DEPTOR: variants seen among roughly 807,000 people sequenced by gnomAD.
DEPTOR encodes the protein DEP domain-containing mTOR-interacting protein.
DEPTOR carries 41 observed loss-of-function variants against 41.6 expected under a neutral mutation model. The ratio of observed to expected loss-of-function variants is 0.98; its 90% CI spans 0.77 to 1.28. The LOEUF (loss-of-function observed/expected upper bound fraction) is 1.28, where lower values mean the gene tolerates loss of function less well. Ranked by LOEUF, DEPTOR falls within the 50% of genes most tolerant of loss-of-function variation. DEPTOR has a pLI of 0.00. For missense variants in DEPTOR, 514 were observed against 527.9 expected, an observed-to-expected ratio of 0.97 and a Z score of 0.26; for synonymous variants, 195 against 192.3, an observed-to-expected ratio of 1.01 and a Z score of -0.12.
intron 8 of DEPTOR, among the ~76,000 whole-genome samples, chr8:120,048,954 A>C (rs547111208): frequency 6.6e-6 from 1 of 152,178 alleles, no homozygotes; most frequent in Non-Finnish European, 1.5e-5. Context: ...AGAGCTTTCC[A>C]ATACTCTTCC....
At chr8:119,890,074 C>T (rs1018051991) in intron 1 of DEPTOR, among the ~76,000 whole-genome samples, 2 of 151,944 alleles carry the variant, frequency 1.3e-5, no homozygotes, top group Non-Finnish European at 2.9e-5. Flanking sequence ...AAGTGATTCT[C>T]GTGCCTCAGC....
intron 3 of DEPTOR, among the ~76,000 whole-genome samples, chr8:119,945,726 A>G (rs1377619476): frequency 6.6e-6 from 1 of 152,230 alleles, no homozygotes; most frequent in African/African-American, 2.4e-5. Flanking sequence ...AAGAGAGACT[A>G]AAACTCAGAG....
chr8:119,935,997 T>TTA (rs1434748370), intron 3 of DEPTOR, among the ~76,000 whole-genome samples: 47 of 110,558 alleles, frequency 4.3e-4, no homozygotes, highest in African/African-American at 1.5e-3. Flanking sequence ...ATTAGTCTAG[T>TTA]TGTTTTTTTT....
intron 3 of DEPTOR, among the ~76,000 whole-genome samples, chr8:119,931,713 A>T (rs879688410): frequency 3.9e-5 from 6 of 152,214 alleles, no homozygotes; most frequent in Admixed American, 3.9e-4. Flanking sequence ...GACTCACATG[A>T]ATTTGAATGG....
intron 4 of DEPTOR, among the ~76,000 whole-genome samples, chr8:119,977,579 T>C (rs1828712252): frequency 2.0e-5 from 3 of 152,150 alleles, no homozygotes. Flanking sequence ...CTGAATCCAA[T>C]GCAGGAGGAA....
In DEPTOR at chr8:119,938,901, CTCTCTTTCTT is replaced by C. The variant is rs746409742; in HGVS notation, c.425+8977_425+8986del. Among the ~76,000 whole-genome samples, 738 of 143,644 alleles carry C rather than the reference CTCTCTTTCTT, an allele frequency of 5.1e-3. 2 individuals carry two copies. Among genetic ancestry groups the C allele is most frequent in the Middle Eastern group, 0.01 (3 of 290 alleles). The allele number at this position is 143,644 out of a possible 152,430, so 94.2% of individuals were successfully genotyped here. Reference sequence around the variant, plus strand: ...TTCCCCTCTCTCTCTCTTTCTCTTTCTCTCTTTCTTTCTCTTTCTTTCTTTTCATTGTGTT... The same window carrying C: ...TTCCCCTCTCTCTCTCTTTCTCTTTCTCTCTTTCTTTCTTTTCATTGTGTT... On this transcript the variant is annotated intron_variant, in intron 3 of 8. Coordinates refer to ENST00000286234, the MANE Select transcript of DEPTOR (RefSeq NM_022783.4).
chr8:119,996,343 A>C (rs1812258843), intron 4 of DEPTOR, among the ~76,000 whole-genome samples: 1 of 152,228 alleles, frequency 6.6e-6, no homozygotes, highest in African/African-American at 2.4e-5. Context: ...GTTGTAAAAT[A>C]ATAAATGTAT....
intron 2 of DEPTOR, 31 bp from the exon 3 acceptor site, chr8:119,929,784 C>T (rs756263417): frequency 2.6e-6 from 4 of 1,560,034 alleles, no homozygotes; most frequent in Non-Finnish European, 1.7e-6. Context: ...TTTTTTTTCT[C>T]ATTTGCTTCT....
intron 3 of DEPTOR, among the ~76,000 whole-genome samples, chr8:119,962,985 GAACGT>G (rs1828512184): frequency 6.6e-6 from 1 of 152,176 alleles, no homozygotes; most frequent in Non-Finnish European, 1.5e-5. Context: ...TTGGAAGGAA[GAACGT>G]GAGCTCAGTT....
chr8:120,036,144 G>A (rs960887), intron 8 of DEPTOR, among the ~76,000 whole-genome samples: 56,046 of 151,992 alleles, frequency 0.37, 10,703 homozygotes, highest in African/African-American at 0.42. Flanking sequence ...TGAGCAGAGC[G>A]TACCAAGAGG....
chr8:120,041,923 T>G (rs2130200610), intron 8 of DEPTOR, among the ~76,000 whole-genome samples: 1 of 152,258 alleles, frequency 6.6e-6, no homozygotes, highest in South Asian at 2.1e-4. Flanking sequence ...TTGTTCTTCC[T>G]TTTCATTCAA....
chr8:119,991,190 C>T (rs367734965), intron 4 of DEPTOR, among the ~76,000 whole-genome samples: 10 of 150,600 alleles, frequency 6.6e-5, no homozygotes, highest in South Asian at 6.3e-4. Context: ...ACATGTATTA[C>T]GGGGGGTTAT....
At chr8:119,962,320 T>C (rs991088157) in intron 3 of DEPTOR, among the ~76,000 whole-genome samples, 5 of 152,082 alleles carry the variant, frequency 3.3e-5, no homozygotes, top group Non-Finnish European at 5.9e-5. Flanking sequence ...CTCAACCTTC[T>C]TGGAGCCTAT....
intron 4 of DEPTOR, among the ~76,000 whole-genome samples, chr8:119,987,207 A>G (rs1024239156): frequency 3.9e-5 from 6 of 152,040 alleles, no homozygotes; most frequent in African/African-American, 7.2e-5. Context: ...ACCTTCGGAT[A>G]GAGTTTTGTG....
intron 3 of DEPTOR, among the ~76,000 whole-genome samples, chr8:119,955,182 T>C (rs533663227): frequency 2.1e-4 from 32 of 151,988 alleles, no homozygotes; most frequent in South Asian, 1.7e-3. Flanking sequence ...TTAAGAGTTA[T>C]TATGTTCTGG....
intron 1 of DEPTOR, among the ~76,000 whole-genome samples, chr8:119,883,944 A>T (rs117190235): frequency 6.6e-6 from 1 of 152,208 alleles, no homozygotes; most frequent in Non-Finnish European, 1.5e-5. Flanking sequence ...ATTCAGAAGG[A>T]CTAGTCCTAG....
At chr8:120,026,289 G>T (rs552555468) in intron 8 of DEPTOR, among the ~76,000 whole-genome samples, 21 of 151,954 alleles carry the variant, frequency 1.4e-4, no homozygotes, top group Admixed American at 1.2e-3. Context: ...CTCACAGCTT[G>T]TTGGTTGGAA....
At chr8:119,997,241 G>T (rs1357777297) in intron 4 of DEPTOR, among the ~76,000 whole-genome samples, 1 of 152,022 alleles carries the variant, frequency 6.6e-6, no homozygotes, top group Admixed American at 6.6e-5. Flanking sequence ...ATTCACTGAT[G>T]ACTGGTTGAT....
At chr8:120,016,250 T>A (rs1352346875) in intron 8 of DEPTOR, among the ~76,000 whole-genome samples, 1 of 152,154 alleles carries the variant, frequency 6.6e-6, no homozygotes, top group Non-Finnish European at 1.5e-5. Flanking sequence ...AGGCCCCACC[T>A]TCTAATACCA....
Sources: gnomAD v4.1 joint callset for allele counts (sites outside exome capture counted in the v4.1 genomes callset) on GRCh38, gnomAD v4.1.1 for gene constraint, MANE v1.5 for transcripts, NCBI Gene and HGNC (gene_info 2026-07-23, HGNC 2026-07-21) for gene names.